Variants in RBFOX1 observed in about 807,000 individuals in gnomAD.
RBFOX1 encodes RNA binding fox-1 homolog 1.
Under a neutral mutation model 57.7 loss-of-function variants are expected in RBFOX1, and 8 were observed. The ratio of observed to expected loss-of-function variants is 0.14; its 90% CI spans 0.08 to 0.25. RBFOX1 has a LOEUF of 0.25. Among genes scored for constraint, RBFOX1 ranks in the 10% least tolerant of loss-of-function variants. RBFOX1 has a pLI of 1.00. For synonymous variants in RBFOX1, 326 were observed against 222.4 expected (o/e 1.47, Z -4.15); for missense variants, 611 against 548.5 (o/e 1.11, Z -1.14).
At chr16:5,957,446 A>C (rs961771026) in intron 4 of RBFOX1, among the ~76,000 whole-genome samples, 14 of 152,108 alleles carry the variant, frequency 9.2e-5, no homozygotes, top group African/African-American at 3.4e-4. Flanking sequence ...CCTGGTCTTG[A>C]ACCCCTCACC....
chr16:7,238,087 A>G (rs890594125), intron 4 of RBFOX1, among the ~76,000 whole-genome samples: 4 of 152,226 alleles, frequency 2.6e-5, no homozygotes, highest in Non-Finnish European at 1.5e-5. Context: ...GCTTGTCACA[A>G]AAGAACAAAT....
chr16:7,315,329 C>T (rs73559866), intron 4 of RBFOX1, among the ~76,000 whole-genome samples: 8 of 151,832 alleles, frequency 5.3e-5, no homozygotes, highest in African/African-American at 1.5e-4. Flanking sequence ...TTAGGAAATG[C>T]TCTTGAGTTA....
intron 2 of RBFOX1, among the ~76,000 whole-genome samples, chr16:6,626,003 C>T (rs148592141): frequency 1.3e-5 from 2 of 152,170 alleles, no homozygotes; most frequent in African/African-American, 2.4e-5. Context: ...GATTTATGTG[C>T]AATCAAATTA....
intron 3 of RBFOX1, among the ~76,000 whole-genome samples, chr16:6,693,401 A>C (rs567925563): frequency 7.0e-6 from 1 of 143,192 alleles, no homozygotes; most frequent in Admixed American, 7.0e-5. Flanking sequence ...CACCATCCCC[A>C]TCCACTACCA....
At chr16:6,982,677 T>C (rs1328668697) in intron 3 of RBFOX1, among the ~76,000 whole-genome samples, 1 of 152,094 alleles carries the variant, frequency 6.6e-6, no homozygotes, top group Non-Finnish European at 1.5e-5. Flanking sequence ...AAGAGGTAGA[T>C]TTACTGTTAT....
intron 1 of RBFOX1, among the ~76,000 whole-genome samples, chr16:6,189,246 G>A (rs1212525056): frequency 6.6e-6 from 1 of 152,210 alleles, no homozygotes; most frequent in Non-Finnish European, 1.5e-5. Flanking sequence ...GGATGAAGCT[G>A]ATGGCACAGG....
At chr16:6,355,617 T>G (rs1490430087) in intron 2 of RBFOX1, among the ~76,000 whole-genome samples, 1 of 152,220 alleles carries the variant, frequency 6.6e-6, no homozygotes, top group Non-Finnish European at 1.5e-5. Flanking sequence ...GCCTTTATAG[T>G]AGAATGATTT....
At chr16:6,700,799 G>C (rs1241183931) in intron 3 of RBFOX1, among the ~76,000 whole-genome samples, 11 of 152,114 alleles carry the variant, frequency 7.2e-5, no homozygotes, top group Admixed American at 7.2e-4. Flanking sequence ...ATCCCAGCAA[G>C]TAATTAAAAG....
At chr16:6,342,936 C>T (rs951661226) in intron 2 of RBFOX1, among the ~76,000 whole-genome samples, 1 of 152,124 alleles carries the variant, frequency 6.6e-6, no homozygotes, top group Non-Finnish European at 1.5e-5. Flanking sequence ...TACAGATCAT[C>T]TCCAAACTTC....
chr16:6,114,227 C>T (rs1465657156), intron 1 of RBFOX1, among the ~76,000 whole-genome samples: 1 of 152,148 alleles, frequency 6.6e-6, no homozygotes, highest in Non-Finnish European at 1.5e-5. Flanking sequence ...AATATTATTT[C>T]CATCTTATGC....
At chr16:7,023,998 T>G (rs6500896) in intron 3 of RBFOX1, among the ~76,000 whole-genome samples, 7,634 of 152,186 alleles carry the variant, frequency 0.05, 661 homozygotes, top group African/African-American at 0.17. Flanking sequence ...GCCACTTAGG[T>G]TTCTATATCC....
chr16:5,785,201 C>G (rs1299161415), intron 3 of RBFOX1, among the ~76,000 whole-genome samples: 5 of 152,214 alleles, frequency 3.3e-5, no homozygotes, highest in African/African-American at 4.8e-5. Context: ...TCTCTTTCCC[C>G]TGTTCTCTTC....
intron 3 of RBFOX1, among the ~76,000 whole-genome samples, chr16:5,748,958 C>T (rs2053087978): frequency 6.6e-6 from 1 of 152,196 alleles, no homozygotes; most frequent in African/African-American, 2.4e-5. Flanking sequence ...GCAGTTTCTT[C>T]TTAGCCTTGA....
intron 3 of RBFOX1, among the ~76,000 whole-genome samples, chr16:6,754,929 C>T (rs570629305): frequency 2.0e-5 from 3 of 152,172 alleles, no homozygotes; most frequent in Non-Finnish European, 2.9e-5. Flanking sequence ...TGTTCAGTTC[C>T]CACCTATGAC....
intron 2 of RBFOX1, among the ~76,000 whole-genome samples, chr16:6,546,275 C>G (rs960103546): frequency 9.9e-5 from 15 of 152,152 alleles, no homozygotes; most frequent in African/African-American, 2.7e-4. Context: ...GACTTTGTCC[C>G]AAGTGCATTG....
chr16:6,522,791 G>A (rs950092805), intron 2 of RBFOX1, among the ~76,000 whole-genome samples: 15 of 152,182 alleles, frequency 9.9e-5, no homozygotes, highest in Admixed American at 9.2e-4. Flanking sequence ...CACTGATAAT[G>A]CAACCCAAAC....
At chr16:6,868,661 A>G (rs1003421373) in intron 3 of RBFOX1, among the ~76,000 whole-genome samples, 1 of 152,056 alleles carries the variant, frequency 6.6e-6, no homozygotes, top group Non-Finnish European at 1.5e-5. Context: ...TCCTAGAGAT[A>G]GGGTTTCACC....
intron 4 of RBFOX1, among the ~76,000 whole-genome samples, chr16:7,477,272 A>T (rs1285782126): frequency 6.6e-6 from 1 of 152,152 alleles, no homozygotes; most frequent in African/African-American, 2.4e-5. Context: ...CGGCAATGAG[A>T]CACAGGCTTA....
intron 3 of RBFOX1, among the ~76,000 whole-genome samples, chr16:5,716,923 G>C (rs2051724191): frequency 6.6e-6 from 1 of 152,164 alleles, no homozygotes; most frequent in Non-Finnish European, 1.5e-5. Flanking sequence ...CAGCACCGGA[G>C]CCTGGATTTG....
Sources: allele counts gnomAD v4.1 joint callset (sites outside exome capture counted in the v4.1 genomes callset), GRCh38; gene constraint gnomAD v4.1.1; transcripts MANE v1.5; gene names NCBI Gene and HGNC (gene_info 2026-07-23, HGNC 2026-07-21).